Variants in ANKRD44 observed in about 807,000 individuals in gnomAD.
The protein encoded by ANKRD44 is serine/threonine-protein phosphatase 6 regulatory ankyrin repeat subunit B.
In ANKRD44, 35 loss-of-function variants were observed where a neutral mutation model predicts 116.0. The ratio of observed to expected loss-of-function variants is 0.30; its 90% confidence interval spans 0.23 to 0.40. The LOEUF (loss-of-function observed/expected upper bound fraction) is 0.40, where lower values mean the gene tolerates loss of function less well. ANKRD44 is among the 10% of genes least tolerant of loss of function. ANKRD44 has a pLI of 1.00. For missense variants in ANKRD44, 1,014 were observed against 1,242.6 expected, an observed-to-expected ratio of 0.82 and a Z score of 2.77; for synonymous variants, 435 against 461.8, an observed-to-expected ratio of 0.94 and a Z score of 0.74.
intron 3 of ANKRD44, among the ~76,000 whole-genome samples, chr2:197,137,633 C>A (rs556164643): frequency 6.6e-6 from 1 of 152,254 alleles, no homozygotes; most frequent in South Asian, 2.1e-4. Context: ...TGAAGAAGAA[C>A]AAATGCCATC....
Position 196,986,921 on chromosome 2 carries a change from A to C in ANKRD44, c.*2670T>G. 1 of 985,378 alleles carries C rather than the reference A, an allele frequency of 1.0e-6. No individual in the cohort carries two copies. Among genetic ancestry groups the C allele is most frequent in the Non-Finnish European group, 1.2e-6 (1 of 829,868 alleles). 61.0% of individuals were successfully genotyped at this position (985,378 alleles called of 1,614,324 possible). ...AAGAAAACATTATAGACAAAATCCCACTGAAATCATCAAACAATATTTTAT... is the reference window on the plus strand; with the variant it reads ...AAGAAAACATTATAGACAAAATCCCCCTGAAATCATCAAACAATATTTTAT... On this transcript the variant is annotated 3_prime_UTR_variant, in exon 28 of 28. Coordinates refer to ENST00000282272, the MANE Select transcript of ANKRD44 (RefSeq NM_001195144.2).
intron 16 of ANKRD44, among the ~76,000 whole-genome samples, chr2:197,038,283 G>C (rs1351425022): frequency 6.6e-6 from 1 of 151,960 alleles, no homozygotes; most frequent in Non-Finnish European, 1.5e-5. Flanking sequence ...GGAAATTTCT[G>C]AGCCTTCTTC....
chr2:197,169,659 G>A lies in ANKRD44; in HGVS notation c.111+17364C>T, dbSNP rs190250068. On this transcript the variant is annotated intron_variant, in intron 2 of 27. Coordinates refer to ENST00000282272, the MANE Select transcript of ANKRD44 (RefSeq NM_001195144.2). Reference sequence around the variant, plus strand: ...CCCAACCAGCAGCATCAGCATCACCGGAACTTACTAGAAATGCAGATTCTC... The same window carrying A: ...CCCAACCAGCAGCATCAGCATCACCAGAACTTACTAGAAATGCAGATTCTC... Among the ~76,000 whole-genome samples, 14 of 152,166 alleles carry A rather than the reference G, an allele frequency of 9.2e-5. No individual in the cohort carries two copies. In the East Asian group the frequency reaches 1.5e-3, roughly 17 times the overall value.
At chr2:197,167,438 T>TACCTTACATCAAGG (rs1348221553) in intron 2 of ANKRD44, among the ~76,000 whole-genome samples, 1 of 152,210 alleles carries the variant, frequency 6.6e-6, no homozygotes, top group Non-Finnish European at 1.5e-5. Context: ...GGAATCTACA[T>TACCTTACATCAAGG]ACCTTACATC....
chr2:197,197,809 C>CAAAAAAAAAAA (rs199994103), intron 1 of ANKRD44, among the ~76,000 whole-genome samples: 5 of 114,162 alleles, frequency 4.4e-5, no homozygotes, highest in Non-Finnish European at 6.7e-5. Flanking sequence ...AATCCTGTCT[C>CAAAAAAAAAAA]AAAAAAAAAA....
intron 1 of ANKRD44, among the ~76,000 whole-genome samples, chr2:197,195,001 T>C (rs1346672596): frequency 1.3e-5 from 2 of 152,156 alleles, no homozygotes; most frequent in African/African-American, 4.8e-5. Flanking sequence ...GAGCATCACA[T>C]CAGCATAAGA....
chr2:197,150,290 T>C (rs1486013421), intron 2 of ANKRD44, among the ~76,000 whole-genome samples: 3 of 152,210 alleles, frequency 2.0e-5, no homozygotes, highest in Admixed American at 1.3e-4. Context: ...GGCTCACACC[T>C]GTAATCCCAG....
In ANKRD44 at chr2:196,998,562, T is replaced by G. The variant is rs112601170; in HGVS notation, c.2666-143A>C. 653 of 697,016 alleles carry G rather than the reference T, an allele frequency of 9.4e-4. 2 individuals carry two copies. The African/African-American group carries it at 0.01, about 11-fold the overall frequency. 43.2% of individuals were successfully genotyped at this position (697,016 alleles called of 1,614,324 possible). On this transcript the variant is annotated intron_variant, in intron 24 of 27. Coordinates refer to ENST00000282272, the MANE Select transcript of ANKRD44 (RefSeq NM_001195144.2). ...TAATGTATTTAAAGAAAAAAGGGAG[T>G]AATTTATTCTCATATCTGTGCTATC...
At chr2:197,152,946 G>C (rs1276955934) in intron 2 of ANKRD44, among the ~76,000 whole-genome samples, 2 of 152,140 alleles carry the variant, frequency 1.3e-5, no homozygotes, top group Non-Finnish European at 2.9e-5. Flanking sequence ...GCCGGACGTG[G>C]TGGCTCATGC....
intron 16 of ANKRD44, among the ~76,000 whole-genome samples, chr2:197,051,088 A>G (rs1400461309): frequency 1.4e-5 from 2 of 147,616 alleles, no homozygotes; most frequent in Non-Finnish European, 3.0e-5. Flanking sequence ...TCAGCCTCCC[A>G]GGTAGCTGGG....
chr2:197,253,233 A>C (rs1478840679), intron 1 of ANKRD44, among the ~76,000 whole-genome samples: 1 of 152,218 alleles, frequency 6.6e-6, no homozygotes, highest in Non-Finnish European at 1.5e-5. Context: ...GAAAATTAAA[A>C]GGGGGTCATT....
chr2:197,131,165 A>C (rs1482796046), intron 4 of ANKRD44, among the ~76,000 whole-genome samples: 1 of 151,630 alleles, frequency 6.6e-6, no homozygotes, highest in Non-Finnish European at 1.5e-5. Context: ...GAAAGTCCTT[A>C]GCATACTGCC....
In ANKRD44 at chr2:197,212,220, G is replaced by A. The variant is rs1274910077; in HGVS notation, c.28-25114C>T. ...CAAGAGTTTGCAACCAGGCAGATAG[G>A]GATCCAGTGGGAGCACACTGGCACC... On this transcript the variant is annotated intron_variant, in intron 1 of 27. Coordinates refer to ENST00000282272, the MANE Select transcript of ANKRD44 (RefSeq NM_001195144.2). The surrounding 1 kb of genome is among the most constrained non-coding windows in gnomAD (Gnocchi z 4.8). 6.6e-6 allele frequency among the ~76,000 whole-genome samples: 1 copy of A among 152,110 alleles called. No homozygotes were observed. Among genetic ancestry groups the A allele is most frequent in the Middle Eastern group, 3.2e-3 (1 of 316 alleles).
intron 16 of ANKRD44, among the ~76,000 whole-genome samples, chr2:197,038,943 A>G (rs888235113): frequency 6.6e-6 from 1 of 152,220 alleles, no homozygotes; most frequent in Non-Finnish European, 1.5e-5. Flanking sequence ...GCCATTCCAA[A>G]TGTGAAAAAA....
intron 16 of ANKRD44, among the ~76,000 whole-genome samples, chr2:197,050,388 C>A (rs1460861788): frequency 6.6e-6 from 1 of 152,010 alleles, no homozygotes; most frequent in African/African-American, 2.4e-5. Flanking sequence ...TCTACTTCTT[C>A]CCTATTTCAA....
chr2:196,971,286 C>T (rs1264608812), intron 21 of ANKRD44, among the ~76,000 whole-genome samples: 1 of 152,176 alleles, frequency 6.6e-6, no homozygotes, highest in African/African-American at 2.4e-5. Flanking sequence ...AGATTACAAC[C>T]ATAAACATTT....
chr2:197,266,492 T>C (rs1044793988), intron 1 of ANKRD44, among the ~76,000 whole-genome samples: 15 of 152,064 alleles, frequency 9.9e-5, no homozygotes, highest in Admixed American at 8.5e-4. Context: ...ACACAAACAT[T>C]AAATCACTCA....
chr2:196,982,157 TTTTA>T (rs1206629457), downstream of ANKRD44, among the ~76,000 whole-genome samples: 1 of 124,912 alleles, frequency 8.0e-6, no homozygotes, highest in Non-Finnish European at 1.8e-5. Flanking sequence ...AGCAAGAGGA[TTTTA>T]TTTGAGAGTA....
intron 1 of ANKRD44, among the ~76,000 whole-genome samples, chr2:197,246,994 C>T (rs1258240645): frequency 6.6e-6 from 1 of 152,188 alleles, no homozygotes; most frequent in Non-Finnish European, 1.5e-5. Flanking sequence ...CCAGGTATCT[C>T]TGTATCTTTC....
Sources: allele counts gnomAD v4.1 joint callset (sites outside exome capture counted in the v4.1 genomes callset), GRCh38; gene constraint gnomAD v4.1.1; non-coding constraint Gnocchi (gnomAD v3.1); transcripts MANE v1.5; gene names NCBI Gene and HGNC (gene_info 2026-07-23, HGNC 2026-07-21).